Variants in TIAM1 observed in about 807,000 individuals in gnomAD.
TIAM1 encodes TIAM Rac1 associated GEF 1, also known as rho guanine nucleotide exchange factor TIAM1.
In TIAM1, 65 loss-of-function variants were observed where a neutral mutation model predicts 163.5. The ratio of observed to expected loss-of-function variants is 0.40; its 90% confidence interval spans 0.33 to 0.49. The LOEUF (loss-of-function observed/expected upper bound fraction) is 0.49. TIAM1 is among the 20% of genes least tolerant of loss of function. TIAM1 has a pLI of 0.77. For synonymous variants in TIAM1, 833 were observed against 810.1 expected (o/e 1.03, Z -0.48); for missense variants, 1,789 against 2,044.7 (o/e 0.87, Z 2.41).
intron 27 of TIAM1, 21 bp downstream of exon 27, chr21:31,124,501 A>G (rs750874124): frequency 1.2e-6 from 2 of 1,611,088 alleles, no homozygotes; most frequent in Non-Finnish European, 1.7e-6. Flanking sequence ...GGAATCTTGA[A>G]CGTCCGAATC....
chr21:31,502,372 C>T (rs747342780), intron 1 of TIAM1, among the ~76,000 whole-genome samples: 1 of 152,010 alleles, frequency 6.6e-6, no homozygotes, highest in Non-Finnish European at 1.5e-5. Flanking sequence ...CCTGGGCTCA[C>T]GCAATTATCC....
At chr21:31,346,343 T>C (rs1361050570), upstream of TIAM1, among the ~76,000 whole-genome samples, 1 of 152,208 alleles carries the variant, frequency 6.6e-6, no homozygotes, top group Non-Finnish European at 1.5e-5. Flanking sequence ...CCTTTTCCAC[T>C]GTGCAGCATT....
At chr21:31,480,550 G>A (rs535153534) in intron 1 of TIAM1, among the ~76,000 whole-genome samples, 1 of 152,278 alleles carries the variant, frequency 6.6e-6, no homozygotes, top group East Asian at 1.9e-4. Flanking sequence ...AGACAAGAAA[G>A]AAACCACCAC....
intron 2 of TIAM1, among the ~76,000 whole-genome samples, chr21:31,280,025 C>T (rs112203922): frequency 3.3e-5 from 5 of 150,548 alleles, no homozygotes; most frequent in South Asian, 2.1e-4. Context: ...GACACACACG[C>T]GTGCGCGCAC....
chr21:31,189,381 T>A (rs1342214072), intron 13 of TIAM1, among the ~76,000 whole-genome samples: 1 of 152,068 alleles, frequency 6.6e-6, no homozygotes, highest in African/African-American at 2.4e-5. Flanking sequence ...GTCCTCTTTT[T>A]GTATAATCAA....
chr21:31,557,529 G>A (rs1034811518), intron 1 of TIAM1, among the ~76,000 whole-genome samples: 4 of 152,198 alleles, frequency 2.6e-5, no homozygotes, highest in Non-Finnish European at 4.4e-5. Context: ...CACCCAGCTT[G>A]TGAGTGACAC....
At chr21:31,529,492 G>A (rs929646118) in intron 1 of TIAM1, among the ~76,000 whole-genome samples, 5 of 152,204 alleles carry the variant, frequency 3.3e-5, no homozygotes, top group Middle Eastern at 3.4e-3. Flanking sequence ...TGAGTAAACA[G>A]AGAAGGAAGC....
At chr21:31,435,253 CTCTTCG>C (rs1459441225) in intron 2 of TIAM1, among the ~76,000 whole-genome samples, 6 of 152,124 alleles carry the variant, frequency 3.9e-5, no homozygotes, top group African/African-American at 1.4e-4. Flanking sequence ...CTTTAAAATG[CTCTTCG>C]TCTTCAAGTT....
At chr21:31,181,602 G>C (rs949732860) in intron 15 of TIAM1, among the ~76,000 whole-genome samples, 4 of 151,790 alleles carry the variant, frequency 2.6e-5, no homozygotes, top group African/African-American at 9.7e-5. Context: ...TCCACTCTGG[G>C]CCTCTCAGCA....
intron 2 of TIAM1, among the ~76,000 whole-genome samples, chr21:31,288,342 T>C (rs1200968872): frequency 6.6e-6 from 1 of 152,160 alleles, no homozygotes. Context: ...ACAACAGAAA[T>C]TTCTTGCTCA....
intron 2 of TIAM1, among the ~76,000 whole-genome samples, chr21:31,360,786 C>T (rs1030696296): frequency 6.6e-6 from 1 of 152,066 alleles, no homozygotes; most frequent in East Asian, 1.9e-4. Flanking sequence ...ATTCCAATGA[C>T]CAATAAACCT....
chr21:31,225,240 G>A (rs938733858), intron 7 of TIAM1, among the ~76,000 whole-genome samples: 1 of 152,010 alleles, frequency 6.6e-6, no homozygotes, highest in Non-Finnish European at 1.5e-5. Flanking sequence ...GCTCAAGCGA[G>A]TATGCCCACC....
intron 13 of TIAM1, among the ~76,000 whole-genome samples, chr21:31,194,102 CTCTGCAGGAGAGAGAGCTAT>C (rs2085717375): frequency 6.6e-6 from 1 of 151,820 alleles, no homozygotes; most frequent in South Asian, 2.1e-4. Flanking sequence ...ACCCCTCTCT[CTCTGCAGGAGAGAGAGCTAT>C]TCTCCTTTCT....
chr21:31,234,648 G>A (rs2146675372), intron 6 of TIAM1, among the ~76,000 whole-genome samples: 1 of 152,150 alleles, frequency 6.6e-6, no homozygotes, highest in South Asian at 2.1e-4. Flanking sequence ...AAGCATGGTG[G>A]TGTGCACCTG....
intron 2 of TIAM1, among the ~76,000 whole-genome samples, chr21:31,362,603 A>T (rs1432061302): frequency 6.6e-6 from 1 of 151,916 alleles, no homozygotes; most frequent in Non-Finnish European, 1.5e-5. Context: ...AGCAGCTGTG[A>T]CTACAGGCGC....
At chr21:31,265,469 G>A (rs377112280) in intron 4 of TIAM1, among the ~76,000 whole-genome samples, 2 of 151,386 alleles carry the variant, frequency 1.3e-5, no homozygotes, top group African/African-American at 4.9e-5. Context: ...GGCCAGCATC[G>A]CACGGAACAG....
intron 1 of TIAM1, among the ~76,000 whole-genome samples, chr21:31,478,160 C>A (rs1230343810): frequency 1.3e-5 from 2 of 152,164 alleles, no homozygotes; most frequent in African/African-American, 4.8e-5. Context: ...TAATTTTTAG[C>A]AAGCAAAATC....
chr21:31,268,602 C>T (rs1282912992), intron 3 of TIAM1, among the ~76,000 whole-genome samples: 2 of 152,174 alleles, frequency 1.3e-5, no homozygotes, highest in Non-Finnish European at 2.9e-5. Context: ...TCACACATCA[C>T]AGGAATCTCA....
chr21:31,260,081 G>T (rs1025702490), intron 4 of TIAM1, among the ~76,000 whole-genome samples: 1 of 148,464 alleles, frequency 6.7e-6, no homozygotes, highest in Non-Finnish European at 1.5e-5. Context: ...GGGACAACAG[G>T]TACTCACCAT....
Sources: gnomAD v4.1 joint callset for allele counts (sites outside exome capture counted in the v4.1 genomes callset) on GRCh38, gnomAD v4.1.1 for gene constraint, MANE v1.5 for transcripts, NCBI Gene and HGNC (gene_info 2026-07-23, HGNC 2026-07-21) for gene names.